Variants in TRIM63 observed in about 807,000 individuals in gnomAD.
The protein encoded by TRIM63 is tripartite motif containing 63.
In TRIM63, 48 loss-of-function variants were observed where a neutral mutation model predicts 46.0. The observed-to-expected ratio is 1.04, with a 90% CI of 0.83 to 1.33. The LOEUF is 1.33. Ranked by LOEUF, TRIM63 falls within the 40% of genes most tolerant of loss-of-function variation. The pLI is 0.00. For synonymous variants in TRIM63, 175 were observed against 162.8 expected, an observed-to-expected ratio of 1.08 and a Z score of -0.57; for missense variants, 455 against 441.2, an observed-to-expected ratio of 1.03 and a Z score of -0.28.
chr1:26,063,680 G>A (rs770232081), intron 2 of TRIM63, among the ~76,000 whole-genome samples: 5 of 152,136 alleles, frequency 3.3e-5, no homozygotes, highest in Non-Finnish European at 7.4e-5. Context: ...TCATTTTTGT[G>A]ATTTTGGACT....
At chr1:26,058,731 C>T (rs2124438918) in intron 4 of TRIM63, 108 bp from the exon 5 acceptor site, 1 of 820,280 alleles carries the variant, frequency 1.2e-6, no homozygotes, top group Admixed American at 2.1e-5. Context: ...AGAGATCTCA[C>T]TACATACATC....
chr1:26,057,070 G>T, intron 7 of TRIM63, 133 bp downstream of exon 7: 2 of 1,181,646 alleles, frequency 1.7e-6, no homozygotes, highest in Non-Finnish European at 2.3e-6. Context: ...GCCAGAAGTT[G>T]GCTATATGAG....
intron 1 of TRIM63, 113 bp downstream of exon 1, chr1:26,067,223 C>T: frequency 7.2e-7 from 1 of 1,382,666 alleles, no homozygotes. Flanking sequence ...CAGGGGTTCA[C>T]TTCCAAGGGG....
Position 26,067,548 on chromosome 1 carries a change from C to G in TRIM63, c.-54G>C, listed in dbSNP as rs2050689909. The G allele has an allele frequency of 2.5e-6, 4 of 1,590,102 alleles. No individual in the cohort carries two copies. The highest frequency in any genetic ancestry group is 2.7e-5 in the African/African-American group (2 of 74,694). On this transcript the variant is annotated 5_prime_UTR_variant, in exon 1 of 9. Coordinates refer to ENST00000374272, the MANE Select transcript of TRIM63 (RefSeq NM_032588.4). The stretch of plus-strand genomic sequence containing the variant: ...AGCTGCCTCCTCTACTAACTTTGCT[C>G]TAAGTAGACCTGGGGGTCTTGCCTT...
intron 7 of TRIM63, 25 bp downstream of exon 7, chr1:26,057,178 C>T (rs376153566): frequency 6.2e-7 from 1 of 1,613,538 alleles, no homozygotes; most frequent in Non-Finnish European, 8.5e-7. Context: ...GGCAAATAGA[C>T]AAGTGGCATC....
intron 7 of TRIM63, among the ~76,000 whole-genome samples, chr1:26,056,969 G>C (rs2050576779): frequency 6.6e-6 from 1 of 152,096 alleles, no homozygotes; most frequent in Non-Finnish European, 1.5e-5. Flanking sequence ...CACCACGTTG[G>C]TCAGGCTGGT....
intron 7 of TRIM63, among the ~76,000 whole-genome samples, chr1:26,055,278 A>G (rs1039683132): frequency 2.0e-5 from 3 of 152,330 alleles, no homozygotes; most frequent in African/African-American, 7.2e-5. Flanking sequence ...TCCCTCAACT[A>G]CAAAATAGAG....
chr1:26,057,419 T>A, intron 6 of TRIM63, 92 bp from the exon 7 acceptor site: 1 of 1,523,114 alleles, frequency 6.6e-7, no homozygotes, highest in Non-Finnish European at 8.9e-7. Context: ...CCAGGCCTTC[T>A]ACCCAGAGGC....
At chr1:26,057,127 C>A in intron 7 of TRIM63, 76 bp downstream of exon 7, 1 of 1,570,470 alleles carries the variant, frequency 6.4e-7, no homozygotes, top group Non-Finnish European at 8.7e-7. Flanking sequence ...GCCTCCCCAT[C>A]GGGCTCAGTT....
At chr1:26,057,061 C>G (rs2050578870) in intron 7 of TRIM63, 142 bp downstream of exon 7, 1 of 1,105,266 alleles carries the variant, frequency 9.0e-7, no homozygotes, top group African/African-American at 1.6e-5. Context: ...CCACAGCCGG[C>G]CAGAAGTTGG....
Position 26,057,525 on chromosome 1 carries a change from G to A in TRIM63, c.854+103C>T, listed in dbSNP as rs77234615. 8.6e-4 allele frequency: 1,250 copies of A among 1,449,312 alleles called. 12 individuals carry two copies. In the African/African-American group the frequency reaches 0.015, roughly 17 times the overall value. 89.8% of individuals were successfully genotyped at this position (1,449,312 alleles called of 1,614,324 possible). A position where few individuals can be genotyped will look rare whatever the true frequency, so the allele number is the denominator to read the frequency against. On this transcript the variant is annotated intron_variant, in intron 6 of 8. Coordinates refer to ENST00000374272, the MANE Select transcript of TRIM63 (RefSeq NM_032588.4). ...AAAGGGTCAGGGAAGCCAGCCTAGA[G>A]TGAGACCCTCCCAGCAGGCCTAATG...
chr1:26,062,282 A>AG lies in TRIM63; in HGVS notation c.333-949_333-948insC, dbSNP rs1317103105. 7.2e-3 allele frequency among the ~76,000 whole-genome samples: 1,079 copies of AG among 150,414 alleles called. 12 individuals are homozygous for AG. The highest frequency in any genetic ancestry group is 0.024 in the African/African-American group (955 of 40,578). On this transcript the variant is annotated intron_variant, in intron 2 of 8. Transcript: ENST00000374272. ...CAAAACTCCGTCTCAAAAAAAAAAA[A>AG]AAAGAAAGAAAGAAAGAAAGAATAA... is the stretch of plus-strand genomic sequence containing the variant.
At chr1:26,055,511 CTT>C (rs776902898) in intron 7 of TRIM63, among the ~76,000 whole-genome samples, 26 of 137,814 alleles carry the variant, frequency 1.9e-4, no homozygotes, top group Admixed American at 3.0e-4. Flanking sequence ...CTATTTCTTT[CTT>C]TTTTTTTTTT....
In TRIM63 at chr1:26,051,792, G is replaced by A; in HGVS notation, c.*81C>T. The A allele has an allele frequency of 1.0e-6, 1 of 983,656 alleles. No individual in the cohort carries two copies. Among genetic ancestry groups the A allele is most frequent in the Non-Finnish European group, 1.4e-6 (1 of 726,012 alleles). 60.9% of individuals were successfully genotyped at this position (983,656 alleles called of 1,614,324 possible). On this transcript the variant is annotated 3_prime_UTR_variant, in exon 9 of 9. Transcript: ENST00000374272. ...AGGGGCCCCGACCCCTCCCACCCTG[G>A]GCCTGTCACCAAGGCCGCTGGGCCC... is the stretch of plus-strand genomic sequence containing the variant.
At chr1:26,056,648 C>T (rs1373713173) in intron 7 of TRIM63, among the ~76,000 whole-genome samples, 1 of 152,192 alleles carries the variant, frequency 6.6e-6, no homozygotes, top group African/African-American at 2.4e-5. Context: ...ATTATTTCTA[C>T]TGCCCCAAGA....
chr1:26,066,307 A>T lies in TRIM63; in HGVS notation c.293T>A (p.Val98Glu), dbSNP rs760144364. 6 of 1,614,098 alleles carry T rather than the reference A, an allele frequency of 3.7e-6. No individual in the cohort carries two copies. Among genetic ancestry groups the T allele is most frequent in the Non-Finnish European group, 5.1e-6 (6 of 1,180,000 alleles). The part of the protein sequence containing the change: ...GVYGLQRNLL[V>E]ENIIDIYKQE... ...TTTGTAGATGTCGATGATGTTCTCC[A>T]CCAGCAGGTTCCTCTGCAGGCCGTA... The change falls in exon 2 of 9, where the codon GTG becomes GAG. Residue 98 changes from valine to glutamate, a missense_variant. Coordinates refer to ENST00000374272, the MANE Select transcript of TRIM63 (RefSeq NM_032588.4).
At chr1:26,058,060 G>C (rs2124438339) in intron 5 of TRIM63, among the ~76,000 whole-genome samples, 1 of 152,304 alleles carries the variant, frequency 6.6e-6, no homozygotes, top group Admixed American at 6.5e-5. Context: ...CAAGCTCTTT[G>C]AGGGCAGGGC....
intron 1 of TRIM63, among the ~76,000 whole-genome samples, chr1:26,067,010 G>T (rs1268019837): frequency 1.3e-5 from 2 of 152,034 alleles, no homozygotes; most frequent in Non-Finnish European, 2.9e-5. Context: ...AGCCCCAGGG[G>T]TCTGGTTTCT....
intron 4 of TRIM63, among the ~76,000 whole-genome samples, chr1:26,059,287 G>T (rs2050601419): frequency 6.6e-6 from 1 of 152,140 alleles, no homozygotes. Flanking sequence ...CTCCCAAAGT[G>T]CTGGGATTAT....
Sources: allele counts gnomAD v4.1 joint callset (sites outside exome capture counted in the v4.1 genomes callset), GRCh38; gene constraint gnomAD v4.1.1; transcripts MANE v1.5; gene names NCBI Gene and HGNC (gene_info 2026-07-23, HGNC 2026-07-21).